KIAA1958: variants seen among roughly 807,000 people sequenced by gnomAD.
KIAA1958 encodes KIAA1958.
In KIAA1958, 14 loss-of-function variants were observed where a neutral mutation model predicts 47.2. The observed-to-expected ratio is 0.30, with a 90% CI of 0.20 to 0.46. The LOEUF (loss-of-function observed/expected upper bound fraction) is 0.46, where lower values mean the gene tolerates loss of function less well. Ranked by LOEUF, KIAA1958 falls within the 20% of genes least tolerant of loss-of-function variation. The probability of loss-of-function intolerance (pLI) is 1.00; values close to 1 mark genes in which losing one functional copy is unlikely to be tolerated. For missense variants in KIAA1958, 803 were observed against 909.2 expected, an observed-to-expected ratio of 0.88 and a Z score of 1.50; for synonymous variants, 354 against 353.3, an observed-to-expected ratio of 1.00 and a Z score of -0.02.
Position 112,527,457 on chromosome 9 carries a change from G to C in KIAA1958, c.-25+40339G>C, listed in dbSNP as rs559946027. Among the ~76,000 whole-genome samples, 5 of 152,310 alleles carry C rather than the reference G, an allele frequency of 3.3e-5. No homozygotes were observed. In the East Asian group the frequency reaches 9.6e-4, roughly 29 times the overall value. The stretch of plus-strand genomic sequence containing the variant: ...GAAAGTAACACAGGATGAAGTTGAA[G>C]AAGAAAGCAGGAATGTGATTGTTTT... On this transcript the variant is annotated intron_variant, in intron 1 of 3. Coordinates refer to ENST00000337530, the MANE Select transcript of KIAA1958 (RefSeq NM_133465.4).
rs1224130362 is a variant in KIAA1958, at chr9:112,669,134, A to T, written c.*9065A>T. 6.6e-6 allele frequency: 1 copy of T among 152,270 alleles called. No homozygotes were observed. The highest frequency in any genetic ancestry group is 2.4e-5 in the African/African-American group (1 of 41,474). The allele number at this position is 152,270 out of a possible 1,614,324, so 9.4% of individuals were successfully genotyped here. Reference sequence around the variant, plus strand: ...TTCCCCCAGATGGTCGCACCTGTGCATACATCCCTGTGCATGTGGGGGCAC... The same window carrying T: ...TTCCCCCAGATGGTCGCACCTGTGCTTACATCCCTGTGCATGTGGGGGCAC... On this transcript the variant is annotated 3_prime_UTR_variant, in exon 4 of 4. Transcript: ENST00000337530.
At chr9:112,658,536 CA>C (rs1279399338) in intron 3 of KIAA1958, among the ~76,000 whole-genome samples, 1 of 152,166 alleles carries the variant, frequency 6.6e-6, no homozygotes, top group Non-Finnish European at 1.5e-5. Context: ...GATGTATTTG[CA>C]GACACACATG....
chr9:112,591,662 A>T (rs893794242), intron 2 of KIAA1958, among the ~76,000 whole-genome samples: 1 of 151,758 alleles, frequency 6.6e-6, no homozygotes, highest in African/African-American at 2.4e-5. Context: ...GGATTCTGAG[A>T]TTGGAGGATC....
At chr9:112,516,906 A>G (rs776423975) in intron 1 of KIAA1958, among the ~76,000 whole-genome samples, 2 of 152,226 alleles carry the variant, frequency 1.3e-5, no homozygotes, top group African/African-American at 2.4e-5. Context: ...AAGGAGAGTG[A>G]TGTACAGAAA....
chr9:112,657,854 TCTTC>T lies in KIAA1958; in HGVS notation c.1345-1405_1345-1402del, dbSNP rs1440096121. ...AAGACAGTCATTAACTTTTCCTTTT[TCTTC>T]CTTTTTTTTTTTTTTGAGACAGAGT... On this transcript the variant is annotated intron_variant, in intron 3 of 3. Coordinates refer to ENST00000337530, the MANE Select transcript of KIAA1958 (RefSeq NM_133465.4). Among the ~76,000 whole-genome samples the T allele has an allele frequency of 1.7e-4, 26 of 152,022 alleles. No homozygotes were observed. In the South Asian group the frequency reaches 5.2e-3, roughly 30 times the overall value.
intron 1 of KIAA1958, among the ~76,000 whole-genome samples, chr9:112,511,777 T>C (rs1355053364): frequency 6.6e-6 from 1 of 152,154 alleles, no homozygotes; most frequent in East Asian, 1.9e-4. Flanking sequence ...TAGAAATATC[T>C]AGCCAGACTG....
chr9:112,660,003 G>A lies in KIAA1958; in HGVS notation c.2085G>A (p.Glu695=). The A allele has an allele frequency of 1.2e-6, 2 of 1,614,210 alleles. No homozygotes were observed. Among genetic ancestry groups the A allele is most frequent in the South Asian group, 2.2e-5 (2 of 91,082 alleles). Residue 695 remains glutamate, a synonymous_variant, in exon 4 of 4, where the codon GAG becomes GAA. Transcript: ENST00000337530. ...LAKKVKLENC[E]NFTFVSFTQV... The stretch of plus-strand genomic sequence containing the variant: ...AGAAGGTCAAGCTGGAAAACTGTGA[G>A]AACTTCACCTTTGTCTCGTTCACTC...
At chr9:112,605,799 G>A (rs1266889624) in intron 2 of KIAA1958, among the ~76,000 whole-genome samples, 2 of 152,138 alleles carry the variant, frequency 1.3e-5, no homozygotes, top group East Asian at 3.8e-4. Context: ...TTGCGTGACT[G>A]GCTTTTCATT....
intron 1 of KIAA1958, among the ~76,000 whole-genome samples, chr9:112,527,557 G>C (rs1333637740): frequency 2.0e-5 from 3 of 152,160 alleles, no homozygotes; most frequent in Admixed American, 6.5e-5. Flanking sequence ...TTTAAACTGG[G>C]AATAGGATGA....
chr9:112,616,227 A>G (rs1836406257), intron 2 of KIAA1958, among the ~76,000 whole-genome samples: 1 of 152,250 alleles, frequency 6.6e-6, no homozygotes, highest in African/African-American at 2.4e-5. Context: ...TGGAGCATAA[A>G]GCTTACTTTT....
chr9:112,549,659 C>T, intron 1 of KIAA1958, among the ~76,000 whole-genome samples: 1 of 152,140 alleles, frequency 6.6e-6, no homozygotes, highest in Middle Eastern at 3.2e-3. Flanking sequence ...CATAGGGCTC[C>T]AGGGAAGCAA....
chr9:112,581,786 G>T, intron 2 of KIAA1958: 1 of 225,712 alleles, frequency 4.4e-6, no homozygotes, highest in South Asian at 7.7e-5. Flanking sequence ...GTTAGGAACT[G>T]GAGAGCTGAG....
chr9:112,552,032 A>ATAC (rs1428777490), intron 1 of KIAA1958, among the ~76,000 whole-genome samples: 19 of 152,300 alleles, frequency 1.2e-4, no homozygotes, highest in African/African-American at 4.6e-4. Context: ...CCAGAAGTAG[A>ATAC]TACTAGGTGG....
chr9:112,523,444 T>TTAAATAAA (rs34030752), intron 1 of KIAA1958, among the ~76,000 whole-genome samples: 19,721 of 150,122 alleles, frequency 0.13, 1,572 homozygotes, highest in East Asian at 0.2. Context: ...AAGTGTCTTA[T>TTAAATAAA]TAAATAAATA....
In KIAA1958 at chr9:112,525,975, C is replaced by CTT. The variant is rs1834637935; in HGVS notation, c.-25+38858_-25+38859dup. ...TCTTCTTCTTCTTCTTCTTCTTCTT[C>CTT]TTCTTCTTCTTCTTCTTCTTCTTCT... On this transcript the variant is annotated intron_variant, in intron 1 of 3. Transcript: ENST00000337530. 1.7e-3 allele frequency among the ~76,000 whole-genome samples: 4 copies of CTT among 2,394 alleles called. No homozygotes were observed. In the African/African-American group the frequency reaches 0.022, roughly 13 times the overall value. The allele number at this position is 2,394 out of a possible 152,430, so 1.6% of individuals were successfully genotyped here.
At chr9:112,598,721 A>G (rs1355143718) in intron 2 of KIAA1958, among the ~76,000 whole-genome samples, 1 of 152,204 alleles carries the variant, frequency 6.6e-6, no homozygotes, top group Admixed American at 6.5e-5. Context: ...AAGACACACA[A>G]GAAAACTGAA....
intron 1 of KIAA1958, among the ~76,000 whole-genome samples, chr9:112,528,228 G>A (rs1300808920): frequency 2.0e-5 from 3 of 152,052 alleles, no homozygotes. Context: ...TGATGGTCTG[G>A]TGCCTCCTTG....
intron 2 of KIAA1958, among the ~76,000 whole-genome samples, chr9:112,575,672 A>G (rs1323625031): frequency 2.0e-5 from 3 of 152,150 alleles, no homozygotes; most frequent in African/African-American, 7.2e-5. Flanking sequence ...TTTTCGTATT[A>G]TTTATTTGAC....
At chr9:112,515,910 AAAAGAC>A (rs1436048766) in intron 1 of KIAA1958, among the ~76,000 whole-genome samples, 127 of 148,682 alleles carry the variant, frequency 8.5e-4, no homozygotes, top group African/African-American at 3.1e-3. Flanking sequence ...AAAAAAAAAA[AAAAGAC>A]TGAATGCTTT....
Sources: allele counts gnomAD v4.1 joint callset (sites outside exome capture counted in the v4.1 genomes callset), GRCh38; gene constraint gnomAD v4.1.1; transcripts MANE v1.5; gene names NCBI Gene and HGNC (gene_info 2026-07-23, HGNC 2026-07-21).